AHI1: variants seen among roughly 807,000 people sequenced by gnomAD.
AHI1 encodes Abelson helper integration site 1.
AHI1 carries 123 observed loss-of-function variants against 149.3 expected under a neutral mutation model. The ratio of observed to expected loss-of-function variants is 0.82; its 90% CI spans 0.71 to 0.96. The LOEUF is 0.96. Among genes scored for constraint, AHI1 ranks in the 40% least tolerant of loss-of-function variants. AHI1 has a pLI of 0.00. For synonymous variants in AHI1, 475 were observed against 459.8 expected, an observed-to-expected ratio of 1.03 and a Z score of -0.42; for missense variants, 1,439 against 1,422.7, an observed-to-expected ratio of 1.01 and a Z score of -0.18.
chr6:135,411,404 T>A lies in AHI1; in HGVS notation c.2905A>T (p.Thr969Ser), dbSNP rs1012024407. 4 of 1,613,722 alleles carry A rather than the reference T, an allele frequency of 2.5e-6. No homozygotes were observed. Among genetic ancestry groups the A allele is most frequent in the African/African-American group, 1.3e-5 (1 of 74,908 alleles). The change falls in exon 21 of 29, where the codon ACT (threonine) becomes TCT (serine). Residue 969 changes from threonine (T) to serine (S), a missense_variant. Physicochemically the swap from Thr to Ser is moderately conservative, Grantham distance 58. Transcript: ENST00000265602. ...GSFQIDEFVH[T>S]ESSSTKMQLV... Reference sequence around the variant, plus strand: ...TGCATCTTCGTTGAAGAACTTTCAGTGTGGACAAATTCATCAATCTGAAAA... The same window carrying A: ...TGCATCTTCGTTGAAGAACTTTCAGAGTGGACAAATTCATCAATCTGAAAA...
chr6:135,374,138 G>C (rs1355716616), intron 23 of AHI1, among the ~76,000 whole-genome samples: 3 of 108,844 alleles, frequency 2.8e-5, no homozygotes, highest in Non-Finnish European at 5.2e-5. Flanking sequence ...TTTTGAGATG[G>C]AGTCTTGCTC....
At chr6:135,404,819 G>A (rs1780525247) in intron 22 of AHI1, 132 bp downstream of exon 22, 3 of 749,526 alleles carry the variant, frequency 4.0e-6, no homozygotes, top group South Asian at 3.4e-5. Context: ...TGATAAAGCT[G>A]AGCTCCAATA....
At chr6:135,293,681 C>T (rs1782694644) in intron 27 of AHI1, among the ~76,000 whole-genome samples, 1 of 150,960 alleles carries the variant, frequency 6.6e-6, no homozygotes. Context: ...ACTGTATGTC[C>T]AAGACCTATA....
At chr6:135,313,537 T>C (rs558288335) in intron 26 of AHI1, among the ~76,000 whole-genome samples, 1 of 152,300 alleles carries the variant, frequency 6.6e-6, no homozygotes, top group South Asian at 2.1e-4. Flanking sequence ...TGACTGACGA[T>C]GGTATCTGAA....
chr6:135,462,877 G>C (rs1790143750), intron 8 of AHI1, among the ~76,000 whole-genome samples: 1 of 151,916 alleles, frequency 6.6e-6, no homozygotes, highest in African/African-American at 2.4e-5. Context: ...TTCCAGCCTG[G>C]GAGACAGAGT....
intron 5 of AHI1, among the ~76,000 whole-genome samples, chr6:135,481,705 CTT>C (rs147878972): frequency 2.1e-5 from 3 of 139,718 alleles, no homozygotes; most frequent in East Asian, 2.1e-4. Flanking sequence ...TATTGTTGTC[CTT>C]TTTTTTTTTT....
In AHI1 at chr6:135,497,682, G is replaced by C. The variant is rs974738315; in HGVS notation, c.-301C>G. On this transcript the variant is annotated 5_prime_UTR_variant, in exon 1 of 29. Transcript: ENST00000265602. ...AGCGGCGCGTGCGCGAAGTGAGGCG[G>C]CCACGCAGCCACCTAACCCGCCAGC... 1 of 163,730 alleles carries C rather than the reference G, an allele frequency of 6.1e-6. No homozygotes were observed. The highest frequency in any genetic ancestry group is 1.4e-5 in the Non-Finnish European group (1 of 73,706). The allele number at this position is 163,730 out of a possible 1,614,324, so 10.1% of individuals were successfully genotyped here.
intron 20 of AHI1, among the ~76,000 whole-genome samples, chr6:135,417,889 T>C (rs1360175352): frequency 2.0e-5 from 3 of 152,066 alleles, no homozygotes; most frequent in Non-Finnish European, 4.4e-5. Flanking sequence ...TCAGACTATA[T>C]AGATTTCATT....
chr6:135,436,764 G>C (rs549094696), intron 15 of AHI1, among the ~76,000 whole-genome samples: 1 of 152,074 alleles, frequency 6.6e-6, no homozygotes, highest in East Asian at 1.9e-4. Context: ...ACCACACCCG[G>C]CTTATTTTTG....
At chr6:135,458,016 T>C (rs923551985) in intron 8 of AHI1, among the ~76,000 whole-genome samples, 3 of 152,182 alleles carry the variant, frequency 2.0e-5, no homozygotes, top group Non-Finnish European at 4.4e-5. Flanking sequence ...ATTTTCTAAG[T>C]AGAATATATA....
At chr6:135,363,169 G>C (rs922994544) in intron 23 of AHI1, among the ~76,000 whole-genome samples, 18 of 151,444 alleles carry the variant, frequency 1.2e-4, no homozygotes, top group African/African-American at 4.3e-4. Context: ...AAAGGTCTCT[G>C]GTTTTCCTAG....
intron 3 of AHI1, chr6:135,492,975 G>A (rs1378851345): frequency 1.1e-6 from 1 of 881,440 alleles, no homozygotes; most frequent in Non-Finnish European, 1.3e-6. Context: ...GACTAAAACT[G>A]AAGAGTGTTA....
intron 23 of AHI1, among the ~76,000 whole-genome samples, chr6:135,390,181 G>A (rs913290314): frequency 3.9e-5 from 6 of 152,090 alleles, no homozygotes; most frequent in African/African-American, 1.4e-4. Context: ...TCTTGATTCA[G>A]ATAAAATAAC....
chr6:135,374,117 T>A (rs1258152815), intron 23 of AHI1, among the ~76,000 whole-genome samples: 229 of 119,022 alleles, frequency 1.9e-3, no homozygotes, highest in African/African-American at 7.0e-3. Context: ...TATTTTTTTT[T>A]TTTTTTTTTT....
intron 23 of AHI1, among the ~76,000 whole-genome samples, chr6:135,377,974 T>C (rs971121370): frequency 6.6e-6 from 1 of 152,158 alleles, no homozygotes; most frequent in South Asian, 2.1e-4. Flanking sequence ...ACTATGTTTA[T>C]TGAAAAATAA....
intron 6 of AHI1, among the ~76,000 whole-genome samples, chr6:135,467,083 C>T (rs1415512449): frequency 1.3e-5 from 2 of 152,136 alleles, no homozygotes; most frequent in African/African-American, 4.8e-5. Flanking sequence ...TTCCCACCTC[C>T]ATTTGTGTTG....
intron 9 of AHI1, among the ~76,000 whole-genome samples, chr6:135,456,233 G>A (rs895679274): frequency 1.3e-5 from 2 of 152,136 alleles, no homozygotes; most frequent in Admixed American, 1.3e-4. Context: ...TCAGAATTTT[G>A]TAAGAGTTTA....
intron 23 of AHI1, among the ~76,000 whole-genome samples, chr6:135,377,462 GTTATTTAT>G (rs57058733): frequency 0.012 from 1,759 of 148,508 alleles, 24 homozygotes; most frequent in African/African-American, 0.037. Flanking sequence ...CTGGCTTTGA[GTTATTTAT>G]TTATTTATTT....
intron 26 of AHI1, among the ~76,000 whole-genome samples, chr6:135,303,080 G>A (rs1784092816): frequency 1.3e-5 from 2 of 152,136 alleles, no homozygotes; most frequent in South Asian, 4.1e-4. Flanking sequence ...ACTTGTTAGT[G>A]ATGCTTTTAA....
Sources: gnomAD v4.1 joint callset for allele counts (sites outside exome capture counted in the v4.1 genomes callset) on GRCh38, gnomAD v4.1.1 for gene constraint, MANE v1.5 for transcripts, NCBI Gene and HGNC (gene_info 2026-07-23, HGNC 2026-07-21) for gene names.